Variants in MICAL2 observed in about 807,000 individuals in gnomAD.
MICAL2 encodes microtubule associated monooxygenase, calponin and LIM domain containing 2, also known as [F-actin]-monooxygenase MICAL2.
MICAL2 carries 77 observed loss-of-function variants against 127.3 expected under a neutral mutation model. The ratio of observed to expected loss-of-function variants is 0.60; its 90% confidence interval spans 0.50 to 0.73. The LOEUF (loss-of-function observed/expected upper bound fraction) is 0.73, where lower values mean the gene tolerates loss of function less well. Ranked by LOEUF, MICAL2 falls within the 30% of genes least tolerant of loss-of-function variation. The pLI is 0.00. For missense variants in MICAL2, 1,351 were observed against 1,434.4 expected (o/e 0.94, Z 0.94); for synonymous variants, 570 against 551.1 (o/e 1.03, Z -0.48).
intron 32 of MICAL2, among the ~76,000 whole-genome samples, chr11:12,328,489 G>T (rs552591998): frequency 1.3e-5 from 2 of 152,142 alleles, no homozygotes; most frequent in Non-Finnish European, 2.9e-5. Flanking sequence ...ACCTGCAAAG[G>T]TCAAATGTGG....
intron 6 of MICAL2, among the ~76,000 whole-genome samples, chr11:12,210,907 C>A (rs184237345): frequency 6.6e-6 from 1 of 152,348 alleles, no homozygotes; most frequent in East Asian, 1.9e-4. Flanking sequence ...TCTGGCCCCC[C>A]AGACACTGGC....
intron 32 of MICAL2, among the ~76,000 whole-genome samples, chr11:12,329,124 G>A (rs1590739763): frequency 6.6e-6 from 1 of 152,202 alleles, no homozygotes; most frequent in Non-Finnish European, 1.5e-5. Context: ...CCAGTGCCTG[G>A]CATGGAGCAG....
intron 32 of MICAL2, among the ~76,000 whole-genome samples, chr11:12,341,493 A>T (rs1359317614): frequency 6.6e-6 from 1 of 152,120 alleles, no homozygotes; most frequent in Non-Finnish European, 1.5e-5. Context: ...AGTTTAAAGA[A>T]TAAATAGATC....
At chr11:12,232,790 A>G (rs1858476208) in intron 15 of MICAL2, among the ~76,000 whole-genome samples, 1 of 152,224 alleles carries the variant, frequency 6.6e-6, no homozygotes, top group Non-Finnish European at 1.5e-5. Flanking sequence ...TAATACTTGT[A>G]CAGTAGTGCC....
chr11:12,249,132 G>A lies in MICAL2; in HGVS notation c.2785-52G>A, dbSNP rs372752741. 7.7e-5 allele frequency: 124 copies of A among 1,608,976 alleles called. No homozygotes were observed. In the South Asian group the frequency reaches 1.0e-3, roughly 14 times the overall value. On this transcript the variant is annotated intron_variant, in intron 21 of 27. Coordinates refer to ENST00000683283, the MANE Select transcript of MICAL2 (RefSeq NM_001282663.2). ...CTCTTTCCCCAGTGGAAGAGAATTC[G>A]GAAAGAAAGCTTATTTACCTAAAAT...
intron 32 of MICAL2, among the ~76,000 whole-genome samples, chr11:12,329,070 T>A (rs1205795094): frequency 6.6e-6 from 1 of 152,224 alleles, no homozygotes; most frequent in Non-Finnish European, 1.5e-5. Context: ...GTTACTTGTA[T>A]TTGTGGTGAG....
Position 12,230,369 on chromosome 11 carries a change from G to C in MICAL2, c.1995+3238G>C, listed in dbSNP as rs556562102. 2.0e-5 allele frequency among the ~76,000 whole-genome samples: 3 copies of C among 152,254 alleles called. No individual in the cohort carries two copies. The South Asian group carries it at 6.2e-4, about 32-fold the overall frequency. ...AAAGGCTCCCTCACATTTACACCAA[G>C]ATATCAGTACAACAAAACACGCAAC... On this transcript the variant is annotated intron_variant, in intron 15 of 27. Transcript: ENST00000683283.
downstream of MICAL2, among the ~76,000 whole-genome samples, chr11:12,289,263 C>T (rs1047807168): frequency 6.6e-5 from 10 of 152,074 alleles, no homozygotes; most frequent in African/African-American, 2.2e-4. Context: ...GCCAGCTGCA[C>T]GTGTGACTGA....
At chr11:12,258,649 T>A in intron 25 of MICAL2, 93 bp downstream of exon 25, 3 of 1,154,596 alleles carry the variant, frequency 2.6e-6, no homozygotes, top group Non-Finnish European at 3.8e-6. Context: ...TTGCTGGCCC[T>A]AGAGGGATTG....
intron 29 of MICAL2, among the ~76,000 whole-genome samples, chr11:12,317,778 C>T (rs549468308): frequency 6.0e-4 from 84 of 140,346 alleles, no homozygotes; most frequent in African/African-American, 1.8e-3. Flanking sequence ...AGTGACAGAG[C>T]AAGACTCCGT....
intron 3 of MICAL2, among the ~76,000 whole-genome samples, chr11:12,170,986 CCCGGTG>C (rs1856187825): frequency 6.6e-6 from 1 of 152,108 alleles, no homozygotes; most frequent in African/African-American, 2.4e-5. Context: ...CTATGTGAGC[CCCGGTG>C]TTTCCAAGCT....
Position 12,329,179 on chromosome 11 carries a change from G to T in MICAL2, c.5515+1913G>T, listed in dbSNP as rs80098888. ...TTGTTTTTTTTACTACAATGCACTG[G>T]ATTTCCTTGCAAAGATGACCCAAAT... On this transcript the variant is annotated intron_variant, in intron 32 of 34. Transcript: ENST00000646065. Among the ~76,000 whole-genome samples, 934 of 152,288 alleles carry T rather than the reference G, an allele frequency of 6.1e-3. 8 individuals carry two copies. The highest frequency in any genetic ancestry group is 0.021 in the African/African-American group (873 of 41,550).
exon 3 of MICAL2, chr11:12,287,124 C>G (rs540402694): frequency 5.0e-6 from 2 of 398,890 alleles, no homozygotes; most frequent in Admixed American, 8.8e-5. Context: ...AGTCTCCAAC[C>G]CCAAGCAAAT....
chr11:12,160,998 C>T (rs766370388), intron 2 of MICAL2, among the ~76,000 whole-genome samples: 6 of 152,192 alleles, frequency 3.9e-5, no homozygotes, highest in East Asian at 1.9e-4. Context: ...GTGAGGCCTG[C>T]GCTCTGTGTG....
At chr11:12,350,028 T>C in intron 33 of MICAL2, 2 of 955,436 alleles carry the variant, frequency 2.1e-6, no homozygotes, top group Non-Finnish European at 3.3e-6. Context: ...CTCGGGACTT[T>C]TTCTCCTTGT....
In MICAL2 at chr11:12,147,115, C is replaced by T. The variant is rs540971182; in HGVS notation, c.-78+8655C>T. 2.0e-4 allele frequency among the ~76,000 whole-genome samples: 30 copies of T among 151,998 alleles called. No homozygotes were observed. The East Asian group carries it at 2.9e-3, about 15-fold the overall frequency. On this transcript the variant is annotated intron_variant, in intron 2 of 27. Transcript: ENST00000683283. ...TAGGAGATATATCTAATGCAAATGA[C>T]GAGTTAATGGGTGCAGCACACCAAC... is the stretch of plus-strand genomic sequence containing the variant.
rs893841934 is a variant in MICAL2, at chr11:12,305,739, G to C, written c.5212+10882G>C. Among the ~76,000 whole-genome samples, 22 of 152,152 alleles carry C rather than the reference G, an allele frequency of 1.4e-4. 1 individual carries two copies. The highest frequency in any genetic ancestry group is 5.3e-4 in the African/African-American group (22 of 41,430). On this transcript the variant is annotated intron_variant, in intron 29 of 34. Transcript: ENST00000646065. ...ACTGTGAACATGGGGTACTACTGTA[G>C]CGAGTCTTCAAATCCATGGACGTGA...
At chr11:12,154,736 GT>G (rs914491450) in intron 2 of MICAL2, among the ~76,000 whole-genome samples, 2 of 152,048 alleles carry the variant, frequency 1.3e-5, no homozygotes, top group Non-Finnish European at 2.9e-5. Flanking sequence ...TACTTGTTTG[GT>G]TGTACCATGA....
intron 11 of MICAL2, 66 bp downstream of exon 11, chr11:12,222,809 AG>A (rs1856980922): frequency 6.3e-7 from 1 of 1,587,450 alleles, no homozygotes; most frequent in East Asian, 2.3e-5. Flanking sequence ...GGTGGTGGGG[AG>A]GGGGTCACAT....
Sources: allele counts gnomAD v4.1 joint callset (sites outside exome capture counted in the v4.1 genomes callset), GRCh38; gene constraint gnomAD v4.1.1; transcripts MANE v1.5; gene names NCBI Gene and HGNC (gene_info 2026-07-23, HGNC 2026-07-21).